TBC1D22A: variants seen among roughly 807,000 people sequenced by gnomAD.
The protein encoded by TBC1D22A is putative GTPase activator.
A neutral mutation model predicts 60.2 loss-of-function variants in TBC1D22A; 38 were observed. The observed-to-expected ratio is 0.63, with a 90% CI of 0.49 to 0.83. The LOEUF (loss-of-function observed/expected upper bound fraction) is 0.83, where lower values mean the gene tolerates loss of function less well. Ranked by LOEUF, TBC1D22A falls within the 40% of genes least tolerant of loss-of-function variation. The probability of loss-of-function intolerance (pLI) is 0.00; values close to 1 mark genes in which losing one functional copy is unlikely to be tolerated. For missense variants in TBC1D22A, 628 were observed against 701.0 expected, an observed-to-expected ratio of 0.90 and a Z score of 1.18; for synonymous variants, 302 against 281.7, an observed-to-expected ratio of 1.07 and a Z score of -0.72.
At position 46,771,598 on chromosome 22, in the gene TBC1D22A, A is replaced by AT. The variant is rs537408036; in HGVS notation, c.62+8764dup. ...CCTCATGGCTTAGGTCCTACTTACTATTTTTTTTTTTTTTGAGATGGAGTC... is the reference window on the plus strand; with the variant it reads ...CCTCATGGCTTAGGTCCTACTTACTATTTTTTTTTTTTTTTGAGATGGAGTC... On this transcript the variant is annotated intron_variant, in intron 1 of 12. Coordinates refer to ENST00000337137, the MANE Select transcript of TBC1D22A (RefSeq NM_014346.5). Among the ~76,000 whole-genome samples, 609 of 139,320 alleles carry AT rather than the reference A, an allele frequency of 4.4e-3. 2 individuals carry two copies. The highest frequency in any genetic ancestry group is 0.03 in the Middle Eastern group (8 of 270). 91.4% of individuals were successfully genotyped at this position (139,320 alleles called of 152,430 possible).
At chr22:47,025,639 T>C (rs935423117) in intron 10 of TBC1D22A, among the ~76,000 whole-genome samples, 2 of 152,250 alleles carry the variant, frequency 1.3e-5, no homozygotes, top group African/African-American at 4.8e-5. Flanking sequence ...GGGAAACCTA[T>C]AGCACTAAGC....
intron 4 of TBC1D22A, 78 bp from the exon 5 acceptor site, chr22:46,878,575 G>A: frequency 8.3e-7 from 1 of 1,207,814 alleles, no homozygotes; most frequent in Non-Finnish European, 1.2e-6. Flanking sequence ...TTAAACAGGT[G>A]GAATGTGTTA....
intron 10 of TBC1D22A, among the ~76,000 whole-genome samples, chr22:46,999,341 A>G (rs917717714): frequency 6.6e-6 from 1 of 152,170 alleles, no homozygotes; most frequent in African/African-American, 2.4e-5. Context: ...CCATTTTCAT[A>G]TGGCAATTTT....
chr22:46,878,807 C>A, intron 5 of TBC1D22A, 84 bp downstream of exon 5: 1 of 1,326,152 alleles, frequency 7.5e-7, no homozygotes, highest in Non-Finnish European at 1.1e-6. Flanking sequence ...GCCTGACAGC[C>A]ACAGCCCACG....
intron 1 of TBC1D22A, among the ~76,000 whole-genome samples, chr22:46,770,026 TTC>T (rs1433081689): frequency 1.3e-5 from 2 of 152,156 alleles, no homozygotes; most frequent in African/African-American, 4.8e-5. Flanking sequence ...TGTGAATATG[TTC>T]TGTTACATGG....
chr22:46,824,494 G>C (rs560193565), intron 4 of TBC1D22A, among the ~76,000 whole-genome samples: 1 of 152,198 alleles, frequency 6.6e-6, no homozygotes, highest in Non-Finnish European at 1.5e-5. Context: ...AGGAGGGAGG[G>C]GAATCAGAGC....
At chr22:47,024,141 C>T (rs2062176180) in intron 10 of TBC1D22A, among the ~76,000 whole-genome samples, 1 of 152,204 alleles carries the variant, frequency 6.6e-6, no homozygotes, top group African/African-American at 2.4e-5. Flanking sequence ...GTAATCGTAT[C>T]TGGAGGGAAA....
At chr22:47,107,708 T>TAA (rs1163577922) in intron 11 of TBC1D22A, among the ~76,000 whole-genome samples, 1 of 152,138 alleles carries the variant, frequency 6.6e-6, no homozygotes, top group African/African-American at 2.4e-5. Flanking sequence ...TTCTAAAACT[T>TAA]ACACAGAAAT....
intron 11 of TBC1D22A, among the ~76,000 whole-genome samples, chr22:47,092,761 C>T (rs1036479655): frequency 1.8e-4 from 27 of 152,176 alleles, no homozygotes; most frequent in African/African-American, 4.6e-4. Flanking sequence ...GAGGCTTTGA[C>T]GTATTAACTG....
At chr22:47,019,746 C>CCAT (rs1760582853) in intron 10 of TBC1D22A, among the ~76,000 whole-genome samples, 1 of 151,970 alleles carries the variant, frequency 6.6e-6, no homozygotes, top group Non-Finnish European at 1.5e-5. Context: ...TCCATCCTAC[C>CCAT]CATCCATCCC....
At chr22:47,152,852 G>T (rs1167873139) in intron 12 of TBC1D22A, among the ~76,000 whole-genome samples, 3 of 152,170 alleles carry the variant, frequency 2.0e-5, no homozygotes, top group African/African-American at 7.2e-5. Context: ...GGATGCCAGG[G>T]TGGGTCACGG....
chr22:47,044,253 T>C (rs986048500), intron 11 of TBC1D22A, among the ~76,000 whole-genome samples: 1 of 152,358 alleles, frequency 6.6e-6, no homozygotes, highest in South Asian at 2.1e-4. Flanking sequence ...AGATTTATGC[T>C]GGATGTAAAC....
At chr22:46,895,817 T>C (rs886739262) in intron 7 of TBC1D22A, among the ~76,000 whole-genome samples, 4 of 152,222 alleles carry the variant, frequency 2.6e-5, no homozygotes, top group South Asian at 2.1e-4. Context: ...AAGGGTGTTA[T>C]CTGGAGCCTT....
chr22:47,010,510 T>A (rs896124249), intron 10 of TBC1D22A, among the ~76,000 whole-genome samples: 5 of 152,248 alleles, frequency 3.3e-5, no homozygotes, highest in African/African-American at 1.2e-4. Flanking sequence ...CTGTGTGTGC[T>A]GGCAAGGGCT....
chr22:47,106,698 GA>G lies in TBC1D22A; in HGVS notation c.1330-4801del, dbSNP rs60247080. Among the ~76,000 whole-genome samples, 36 of 149,470 alleles carry G rather than the reference GA, an allele frequency of 2.4e-4. No individual in the cohort carries two copies. In the East Asian group the frequency reaches 3.3e-3, roughly 14 times the overall value. On this transcript the variant is annotated intron_variant, in intron 11 of 12. Coordinates refer to ENST00000337137, the MANE Select transcript of TBC1D22A (RefSeq NM_014346.5). Reference sequence around the variant, plus strand: ...TCTAGGTGCAAGAAGAAATAATGAGGAAAAAAAAAGGGTAAAGTCATGAATA... The same window carrying G: ...TCTAGGTGCAAGAAGAAATAATGAGGAAAAAAAAGGGTAAAGTCATGAATA...
intron 11 of TBC1D22A, among the ~76,000 whole-genome samples, chr22:47,048,474 G>T (rs1168779705): frequency 6.6e-6 from 1 of 152,126 alleles, no homozygotes; most frequent in Non-Finnish European, 1.5e-5. Flanking sequence ...GGTTACAGAG[G>T]CCTCCTTGGC....
At chr22:47,155,980 G>C (rs1275957127) in intron 12 of TBC1D22A, among the ~76,000 whole-genome samples, 1 of 152,202 alleles carries the variant, frequency 6.6e-6, no homozygotes, top group Non-Finnish European at 1.5e-5. Context: ...CTACGTCTGT[G>C]GTGTGTGCCC....
intron 11 of TBC1D22A, among the ~76,000 whole-genome samples, chr22:47,041,161 G>T (rs1473676265): frequency 6.6e-6 from 1 of 152,146 alleles, no homozygotes; most frequent in Non-Finnish European, 1.5e-5. Context: ...TTGGCTTAAG[G>T]CCTTTATTAA....
intron 3 of TBC1D22A, among the ~76,000 whole-genome samples, chr22:46,796,374 G>T (rs2084653487): frequency 6.6e-6 from 1 of 152,202 alleles, no homozygotes; most frequent in African/African-American, 2.4e-5. Context: ...GGGAAGGAGG[G>T]CGCGGGGGAG....
Sources: allele counts gnomAD v4.1 joint callset (sites outside exome capture counted in the v4.1 genomes callset), GRCh38; gene constraint gnomAD v4.1.1; transcripts MANE v1.5; gene names NCBI Gene and HGNC (gene_info 2026-07-23, HGNC 2026-07-21).